The following TTC6 variants were observed in gnomAD, a reference collection of about 807,000 sequenced individuals.
TTC6 encodes tetratricopeptide repeat protein 6.
TTC6 carries 172 observed loss-of-function variants against 210.4 expected under a neutral mutation model. That is an observed-to-expected ratio of 0.82 (90% confidence interval 0.72 to 0.93). The LOEUF is 0.93. Among genes scored for constraint, TTC6 ranks in the 40% least tolerant of loss-of-function variants. The probability of loss-of-function intolerance (pLI) is 0.00; values close to 1 mark genes in which losing one functional copy is unlikely to be tolerated. For synonymous variants in TTC6, 804 were observed against 819.6 expected (o/e 0.98, Z 0.32); for missense variants, 2,414 against 2,318.1 (o/e 1.04, Z -0.85).
chr14:37,812,943 G>A (rs1342360642), intron 25 of TTC6, among the ~76,000 whole-genome samples: 7 of 152,110 alleles, frequency 4.6e-5, no homozygotes, highest in Admixed American at 4.6e-4. Context: ...GAAACGGGTA[G>A]TTTAAAATGT....
chr14:37,806,595 T>C (rs2096119059), intron 22 of TTC6, 85 bp downstream of exon 24: 3 of 1,303,208 alleles, frequency 2.3e-6, no homozygotes, highest in Non-Finnish European at 3.0e-6. Context: ...TGTTATTAAT[T>C]ACCAACAATC....
rs746856681 is a variant in TTC6, at chr14:37,665,581, A to G, written c.940-14570A>G. ...ACCTAGGTGATGAGATGATCTGTGC[A>G]ACGAACCACCGTGGCACGTTTACCT... On this transcript the variant is annotated intron_variant, in intron 1 of 30. Coordinates refer to ENST00000553443, the Ensembl canonical transcript of TTC6. 6.0e-5 allele frequency among the ~76,000 whole-genome samples: 9 copies of G among 150,400 alleles called. 1 individual carries two copies. Among genetic ancestry groups the G allele is most frequent in the Non-Finnish European group, 9.0e-5 (6 of 67,034 alleles).
At chr14:37,709,476 C>T (rs534277547) in intron 5 of TTC6, among the ~76,000 whole-genome samples, 2 of 152,170 alleles carry the variant, frequency 1.3e-5, no homozygotes, top group Admixed American at 1.3e-4. Flanking sequence ...CTATCAATGT[C>T]TGTTAAGAGT....
Position 37,636,230 on chromosome 14 carries a change from T to C in TTC6, c.939+13227T>C, listed in dbSNP as rs141159870. ...GTAGAAAAACTAGACAGAAGATCTC[T>C]AAGGATATAGAAGAACTCAAGGACC... On this transcript the variant is annotated intron_variant, in intron 1 of 30. Transcript: ENST00000553443. Among the ~76,000 whole-genome samples, 515 of 152,272 alleles carry C rather than the reference T, an allele frequency of 3.4e-3. 3 individuals are homozygous for C. In the Middle Eastern group the frequency reaches 0.068, roughly 20 times the overall value.
intron 10 of TTC6, among the ~76,000 whole-genome samples, chr14:37,746,607 G>A (rs528840804): frequency 1.6e-4 from 25 of 152,190 alleles, no homozygotes; most frequent in Non-Finnish European, 3.4e-4. Flanking sequence ...GGCTAAGGCT[G>A]TGTGTGGTGA....
intron 21 of TTC6, 123 bp from the exon 24 acceptor site, chr14:37,806,238 T>G (rs1364369182): frequency 2.3e-5 from 24 of 1,040,048 alleles, no homozygotes; most frequent in Non-Finnish European, 2.9e-5. Context: ...AGAAATGTAT[T>G]TAAAATAATC....
chr14:37,753,455 A>G (rs957610826), intron 14 of TTC6, among the ~76,000 whole-genome samples: 16 of 152,158 alleles, frequency 1.1e-4, no homozygotes, highest in Admixed American at 6.5e-4. Flanking sequence ...GCATTTCCTA[A>G]ATACTAGTTA....
chr14:37,637,167 A>AG (rs1339692619), intron 1 of TTC6, among the ~76,000 whole-genome samples: 1 of 152,068 alleles, frequency 6.6e-6, no homozygotes, highest in Non-Finnish European at 1.5e-5. Context: ...AAGAAAAAAA[A>AG]CCCACCTCAA....
intron 21 of TTC6, among the ~76,000 whole-genome samples, chr14:37,805,443 A>G (rs1487974533): frequency 1.3e-5 from 2 of 151,722 alleles, no homozygotes; most frequent in Admixed American, 6.6e-5. Context: ...ACACACACAC[A>G]CACACACACA....
intron 2 of TTC6, among the ~76,000 whole-genome samples, chr14:37,612,935 G>A (rs772954821): frequency 1.3e-5 from 2 of 152,046 alleles, no homozygotes; most frequent in African/African-American, 2.4e-5. Context: ...AAATAGGGAC[G>A]CTTTAACCTT....
At chr14:37,756,432 C>G (rs1255198914) in intron 14 of TTC6, among the ~76,000 whole-genome samples, 1 of 152,128 alleles carries the variant, frequency 6.6e-6, no homozygotes, top group Non-Finnish European at 1.5e-5. Context: ...TGCCAGTTTT[C>G]AAAGGGAATG....
rs116729885 is a variant in TTC6, at chr14:37,806,424, C to T, written c.4228C>T (p.Arg1410Ter). 9.9e-4 allele frequency: 1,520 copies of T among 1,535,596 alleles called. 11 individuals carry two copies. In the African/African-American group the frequency reaches 0.017, roughly 17 times the overall value. The change falls in exon 22 of 31, where the codon CGA becomes TGA. Residue 1410 changes from arginine (R) to a stop codon, truncating the protein, a stop_gained. Coordinates refer to ENST00000553443, the Ensembl canonical transcript of TTC6. LOFTEE classifies it high-confidence loss of function. ...AGATTTTGCAGAAAGCTTTTATCAG[C>T]GAGGGCTTTGTAAAGTGAAACTCCA... is the stretch of plus-strand genomic sequence containing the variant.
chr14:37,602,501 A>G (rs2095617552), intron 1 of TTC6, among the ~76,000 whole-genome samples: 1 of 152,066 alleles, frequency 6.6e-6, no homozygotes, highest in Admixed American at 6.5e-5. Flanking sequence ...GAGACGTTAC[A>G]AGAGTAAATA....
At chr14:37,804,064 G>C (rs2096112988) in intron 20 of TTC6, among the ~76,000 whole-genome samples, 1 of 152,084 alleles carries the variant, frequency 6.6e-6, no homozygotes, top group Non-Finnish European at 1.5e-5. Flanking sequence ...TTCATTTAAT[G>C]AGACTTTTTC....
chr14:37,601,757 G>A (rs1221117806), intron 1 of TTC6, among the ~76,000 whole-genome samples: 1 of 152,132 alleles, frequency 6.6e-6, no homozygotes, highest in Non-Finnish European at 1.5e-5. Flanking sequence ...TCCCTTTCCT[G>A]GGCACCTGGA....
intron 14 of TTC6, among the ~76,000 whole-genome samples, chr14:37,768,724 A>G (rs2096007452): frequency 1.3e-5 from 2 of 152,054 alleles, no homozygotes; most frequent in Admixed American, 1.3e-4. Context: ...GGTTTTCTAG[A>G]TATACAATCA....
intron 20 of TTC6, among the ~76,000 whole-genome samples, chr14:37,804,470 G>A (rs2096113831): frequency 6.6e-6 from 1 of 152,184 alleles, no homozygotes; most frequent in Non-Finnish European, 1.5e-5. Context: ...AGGCACCTGG[G>A]TGGGACTCAT....
chr14:37,677,608 A>G (rs897841240), intron 1 of TTC6, among the ~76,000 whole-genome samples: 2 of 152,034 alleles, frequency 1.3e-5, no homozygotes, highest in African/African-American at 4.8e-5. Context: ...AGCTGTCATG[A>G]TATTTGGAAA....
At chr14:37,624,661 G>T (rs140148547) in intron 1 of TTC6, among the ~76,000 whole-genome samples, 3 of 151,394 alleles carry the variant, frequency 2.0e-5, no homozygotes, top group Admixed American at 2.0e-4. Context: ...TTGCTCTGTC[G>T]CTCAGGCTGG....
Sources: allele counts gnomAD v4.1 joint callset (sites outside exome capture counted in the v4.1 genomes callset), GRCh38; gene constraint gnomAD v4.1.1; transcripts MANE v1.5; gene names NCBI Gene and HGNC (gene_info 2026-07-23, HGNC 2026-07-21).